The following PTTG1IP2 variants were observed in gnomAD, a reference collection of about 807,000 sequenced individuals.
PTTG1IP2 encodes the protein PTTG1IP family member 2.
At chr7:90,512,902 C>A (rs1344234496) in intron 6 of PTTG1IP2, among the ~76,000 whole-genome samples, 1 of 152,180 alleles carries the variant, frequency 6.6e-6, no homozygotes, top group Non-Finnish European at 1.5e-5. Flanking sequence ...TAGATGGTTT[C>A]TTTACTGCCA....
intron 1 of PTTG1IP2, among the ~76,000 whole-genome samples, chr7:90,475,168 A>T (rs764377929): frequency 1.3e-5 from 2 of 152,210 alleles, no homozygotes; most frequent in Non-Finnish European, 2.9e-5. Flanking sequence ...CAGGACTAAG[A>T]GCTTATGAAC....
chr7:90,492,762 C>G (rs749567936), intron 5 of PTTG1IP2, among the ~76,000 whole-genome samples: 3 of 152,180 alleles, frequency 2.0e-5, no homozygotes, highest in Non-Finnish European at 4.4e-5. Context: ...AACTCGCACT[C>G]CACAAAAGCA....
intron 2 of PTTG1IP2, among the ~76,000 whole-genome samples, chr7:90,480,852 G>T (rs914927710): frequency 6.6e-6 from 1 of 151,942 alleles, no homozygotes; most frequent in Admixed American, 6.6e-5. Flanking sequence ...TGTCCTATTT[G>T]GTTTCTCATA....
intron 1 of PTTG1IP2, among the ~76,000 whole-genome samples, chr7:90,472,815 A>T (rs746071169): frequency 8.5e-5 from 13 of 152,208 alleles, no homozygotes; most frequent in Non-Finnish European, 1.8e-4. Context: ...TCCTAACTTC[A>T]TATAGCCATC....
intron 6 of PTTG1IP2, among the ~76,000 whole-genome samples, chr7:90,511,255 T>C (rs1798186901): frequency 6.6e-6 from 1 of 152,196 alleles, no homozygotes; most frequent in African/African-American, 2.4e-5. Flanking sequence ...TAAAATCTAG[T>C]TGCTGAGAGG....
chr7:90,504,291 G>C (rs182555685), intron 6 of PTTG1IP2, among the ~76,000 whole-genome samples: 1 of 151,622 alleles, frequency 6.6e-6, no homozygotes. Context: ...ACTCCAGCCC[G>C]GGCGACAGAG....
chr7:90,508,390 G>T (rs1798149070), intron 6 of PTTG1IP2, among the ~76,000 whole-genome samples: 1 of 152,124 alleles, frequency 6.6e-6, no homozygotes, highest in Non-Finnish European at 1.5e-5. Flanking sequence ...AAGGCTTAAT[G>T]GAGGTATCAT....
intron 5 of PTTG1IP2, among the ~76,000 whole-genome samples, chr7:90,493,806 G>C (rs1015284668): frequency 5.9e-5 from 9 of 152,200 alleles, no homozygotes; most frequent in Admixed American, 3.9e-4. Context: ...GACGGAGGGA[G>C]AGAGATTCAT....
chr7:90,499,212 C>T (rs1798033706), intron 6 of PTTG1IP2, among the ~76,000 whole-genome samples: 1 of 152,118 alleles, frequency 6.6e-6, no homozygotes, highest in African/African-American at 2.4e-5. Context: ...TAACTTGTGC[C>T]AATGCTAGGA....
intron 6 of PTTG1IP2, among the ~76,000 whole-genome samples, chr7:90,496,813 T>C (rs1797996844): frequency 6.6e-6 from 1 of 152,188 alleles, no homozygotes. Context: ...TCTTTTTTTA[T>C]GTAGGCATGA....
intron 6 of PTTG1IP2, among the ~76,000 whole-genome samples, chr7:90,494,773 T>C (rs970025085): frequency 6.6e-6 from 1 of 152,122 alleles, no homozygotes; most frequent in African/African-American, 2.4e-5. Context: ...TCCTAACAAC[T>C]TGGTAGGCCA....
intron 6 of PTTG1IP2, among the ~76,000 whole-genome samples, chr7:90,508,825 G>A (rs188279540): frequency 2.6e-5 from 4 of 152,312 alleles, no homozygotes; most frequent in Non-Finnish European, 5.9e-5. Context: ...GTGCTGAAAC[G>A]TAGCGTGGTG....
chr7:90,511,371 C>CT (rs1372001767), intron 6 of PTTG1IP2, among the ~76,000 whole-genome samples: 1 of 152,136 alleles, frequency 6.6e-6, no homozygotes, highest in Admixed American at 6.5e-5. Context: ...TCTTTATTCC[C>CT]TTTTTAGCCA....
intron 6 of PTTG1IP2, among the ~76,000 whole-genome samples, chr7:90,499,458 A>G (rs17861351): frequency 0.21 from 32,552 of 152,176 alleles, 3,626 homozygotes; most frequent in African/African-American, 0.25. Flanking sequence ...TAGGGGGACA[A>G]TGTAACTGCA....
At chr7:90,506,550 C>T (rs1798126860) in intron 6 of PTTG1IP2, among the ~76,000 whole-genome samples, 1 of 152,136 alleles carries the variant, frequency 6.6e-6, no homozygotes, top group Non-Finnish European at 1.5e-5. Flanking sequence ...ACTACTTGAG[C>T]TCAGAAGTTC....
At chr7:90,477,913 T>A (rs956180949) in intron 1 of PTTG1IP2, among the ~76,000 whole-genome samples, 1 of 151,820 alleles carries the variant, frequency 6.6e-6, no homozygotes, top group East Asian at 1.9e-4. Context: ...CTGGCTAACA[T>A]GGTGAAACCC....
At chr7:90,489,693 G>T (rs1797917290) in intron 4 of PTTG1IP2, among the ~76,000 whole-genome samples, 1 of 151,694 alleles carries the variant, frequency 6.6e-6, no homozygotes, top group Admixed American at 6.6e-5. Context: ...TACTAAAAAG[G>T]ATAACATATT....
Position 90,501,174 on chromosome 7 carries a change from TA to T in PTTG1IP2, c.*50+6745del, listed in dbSNP as rs1798057051. On this transcript the variant is annotated intron_variant, in intron 6 of 6. Transcript: ENST00000509356. ...GTGATAGTAACTGAAAAAGGAAAGATATGTAAACATAATATTTACTAGAAAA... is the reference window on the plus strand; with the variant it reads ...GTGATAGTAACTGAAAAAGGAAAGATTGTAAACATAATATTTACTAGAAAA... Among the ~76,000 whole-genome samples, 3 of 152,174 alleles carry T rather than the reference TA, an allele frequency of 2.0e-5. No homozygotes were observed. The South Asian group carries it at 6.2e-4, about 31-fold the overall frequency.
rs566410960 is a variant in PTTG1IP2 at position 90,507,302 on chromosome 7, G to A, written c.*51-5976G>A. On this transcript the variant is annotated intron_variant, in intron 6 of 6. Transcript: ENST00000509356. ...GTAAGGGCAATGCATTTTTCTCAAG[G>A]GACTTCTCCTAAAATGTGACAAGCA... Among the ~76,000 whole-genome samples, 50 of 152,226 alleles carry A rather than the reference G, an allele frequency of 3.3e-4. No individual in the cohort carries two copies. The South Asian group carries it at 3.5e-3, about 11-fold the overall frequency.
Sources: allele counts gnomAD v4.1 joint callset (sites outside exome capture counted in the v4.1 genomes callset), GRCh38; gene constraint gnomAD v4.1.1; transcripts MANE v1.5; gene names NCBI Gene and HGNC (gene_info 2026-07-23, HGNC 2026-07-21).